Variants in PRDM16 observed in about 807,000 individuals in gnomAD.
The protein encoded by PRDM16 is histone-lysine N-methyltransferase PRDM16.
In PRDM16, 23 loss-of-function variants were observed where a neutral mutation model predicts 110.6. The observed-to-expected ratio is 0.21, with a 90% confidence interval of 0.15 to 0.29. The LOEUF is 0.29. PRDM16 is among the 10% of genes least tolerant of loss of function. PRDM16 has a pLI of 1.00. For missense variants in PRDM16, 1,615 were observed against 1,794.3 expected, an observed-to-expected ratio of 0.90 and a Z score of 1.81; for synonymous variants, 799 against 781.8, an observed-to-expected ratio of 1.02 and a Z score of -0.37.
chr1:3,332,816 C>G (rs544864596), intron 3 of PRDM16, among the ~76,000 whole-genome samples: 26 of 152,054 alleles, frequency 1.7e-4, no homozygotes, highest in Non-Finnish European at 3.8e-4. Context: ...CAACTGCTGA[C>G]CCATCCCTGT....
intron 1 of PRDM16, among the ~76,000 whole-genome samples, chr1:3,083,623 G>A (rs1642082577): frequency 1.3e-5 from 2 of 152,070 alleles, no homozygotes; most frequent in African/African-American, 4.8e-5. Context: ...GCTTCATGCT[G>A]GGTGGGGAGG....
At position 3,328,142 on chromosome 1, in the gene PRDM16, A is replaced by G. The variant is rs75583502; in HGVS notation, c.439-57010A>G. 9.8e-3 allele frequency among the ~76,000 whole-genome samples: 1,492 copies of G among 152,324 alleles called. 14 individuals carry two copies. The highest frequency in any genetic ancestry group is 0.033 in the African/African-American group (1,381 of 41,574). The stretch of plus-strand genomic sequence containing the variant: ...CCCCTGCCGGGCCAAGTGGGGAACT[A>G]GCCAGGCCTGCGAGAAGCTCCAAGA... On this transcript the variant is annotated intron_variant, in intron 3 of 16. Transcript: ENST00000270722.
chr1:3,419,896 G>A (rs902410613), intron 12 of PRDM16, among the ~76,000 whole-genome samples: 27 of 151,680 alleles, frequency 1.8e-4, no homozygotes, highest in Admixed American at 3.3e-4. Context: ...TCTGTTCAGC[G>A]CTCACAGCCC....
intron 3 of PRDM16, among the ~76,000 whole-genome samples, chr1:3,321,128 A>G (rs1456563794): frequency 1.3e-5 from 2 of 152,192 alleles, no homozygotes; most frequent in African/African-American, 4.8e-5. Context: ...AAGGAAGAGG[A>G]ACAGAGGGAT....
At position 3,405,485 on chromosome 1, in the gene PRDM16, G is replaced by A. The variant is rs370090853; in HGVS notation, c.1033-10G>A. The A allele has an allele frequency of 1.2e-4, 180 of 1,556,936 alleles. No individual in the cohort carries two copies. Among genetic ancestry groups the A allele is most frequent in the Non-Finnish European group, 1.4e-4 (161 of 1,148,272 alleles). On this transcript the variant is annotated splice_polypyrimidine_tract_variant and intron_variant, in intron 7 of 16. Transcript: ENST00000270722. ...GGCAGGGCACGCGCCAACGGCATCC[G>A]TCTCCCCAGGTGTTCACGGACCCCA...
rs1320708672 is a variant in PRDM16 at position 3,370,108 on chromosome 1, A to T, written c.439-15044A>T. 6.6e-6 allele frequency among the ~76,000 whole-genome samples: 1 copy of T among 152,176 alleles called. No individual in the cohort carries two copies. The highest frequency in any genetic ancestry group is 2.4e-5 in the African/African-American group (1 of 41,452). On this transcript the variant is annotated intron_variant, in intron 3 of 16. Coordinates refer to ENST00000270722, the MANE Select transcript of PRDM16 (RefSeq NM_022114.4). The surrounding 1 kb of genome is among the most constrained non-coding windows in gnomAD (Gnocchi z 4.8). The stretch of plus-strand genomic sequence containing the variant: ...CATCCTGGCCCTTCTCCATGCAACC[A>T]GACTTTTGCTAAGCACCTACTATGT...
chr1:3,415,176 A>G (rs1643758385), intron 10 of PRDM16, among the ~76,000 whole-genome samples: 1 of 152,134 alleles, frequency 6.6e-6, no homozygotes. Flanking sequence ...AGGTGGGTGC[A>G]GACCCTGCCA....
rs796377398 is a variant in PRDM16 at position 3,343,643 on chromosome 1, G to GT, written c.439-41501dup. 3.8e-4 allele frequency among the ~76,000 whole-genome samples: 57 copies of GT among 151,002 alleles called. No individual in the cohort carries two copies. The East Asian group carries it at 6.8e-3, about 18-fold the overall frequency. On this transcript the variant is annotated intron_variant, in intron 3 of 16. Coordinates refer to ENST00000270722, the MANE Select transcript of PRDM16 (RefSeq NM_022114.4). ...CAGCTTTTGGTTTTTGTTTTGTTTT[G>GT]TTTTTTTTGAGATGGAGTCTCGCTC...
intron 9 of PRDM16, 148 bp downstream of exon 9, chr1:3,412,948 G>T (rs1019842306): frequency 4.4e-5 from 30 of 683,736 alleles, no homozygotes; most frequent in African/African-American, 5.7e-5. Context: ...CCTGTTCTTG[G>T]GGGGGTCTGC....
chr1:3,259,331 T>C (rs998111345), intron 3 of PRDM16, among the ~76,000 whole-genome samples: 6 of 152,188 alleles, frequency 3.9e-5, no homozygotes, highest in African/African-American at 1.4e-4. Context: ...TTCACCATGA[T>C]GACTGTGCCT....
chr1:3,140,916 G>A (rs12739776), intron 1 of PRDM16, among the ~76,000 whole-genome samples: 14 of 152,272 alleles, frequency 9.2e-5, no homozygotes, highest in Admixed American at 2.6e-4. Context: ...AGAAGCAGGC[G>A]GTCGGAGAAG....
chr1:3,098,575 G>A (rs567547110), intron 1 of PRDM16, among the ~76,000 whole-genome samples: 10 of 152,296 alleles, frequency 6.6e-5, no homozygotes, highest in African/African-American at 1.9e-4. Flanking sequence ...CCTGGGCTTC[G>A]AGACCCCAGG....
At chr1:3,109,547 G>A (rs190909076) in intron 1 of PRDM16, among the ~76,000 whole-genome samples, 1 of 152,314 alleles carries the variant, frequency 6.6e-6, no homozygotes, top group Non-Finnish European at 1.5e-5. Context: ...GCTCCTGGGA[G>A]GCCCTAGTGA....
chr1:3,116,872 C>T (rs559435294), intron 1 of PRDM16, among the ~76,000 whole-genome samples: 4 of 152,216 alleles, frequency 2.6e-5, no homozygotes, highest in African/African-American at 9.6e-5. Flanking sequence ...CACAAACCCC[C>T]GTGACTGGGC....
intron 2 of PRDM16, among the ~76,000 whole-genome samples, chr1:3,193,444 TA>T (rs1638366781): frequency 6.6e-6 from 1 of 152,184 alleles, no homozygotes. Context: ...GTGTTTGACA[TA>T]GCTCTCCTCT....
intron 3 of PRDM16, among the ~76,000 whole-genome samples, chr1:3,326,734 C>T (rs1326845632): frequency 6.6e-6 from 1 of 152,252 alleles, no homozygotes; most frequent in African/African-American, 2.4e-5. Flanking sequence ...GGCTTTCAGG[C>T]CTCTGGCAGT....
In PRDM16 at chr1:3,282,727, C is replaced by T. The variant is rs12563725; in HGVS notation, c.438+38590C>T. On this transcript the variant is annotated intron_variant, in intron 3 of 16. Transcript: ENST00000270722. ...AGAGCTGGTCACTGCCACTCCGAAG[C>T]TCCTCAGGCAGCTTCCTTTCTCCCT... 0.024 allele frequency among the ~76,000 whole-genome samples: 3,712 copies of T among 152,240 alleles called. 258 individuals carry two copies. The East Asian group carries it at 0.24, about 10-fold the overall frequency.
At chr1:3,211,270 G>A (rs1025876593) in intron 2 of PRDM16, among the ~76,000 whole-genome samples, 16 of 152,180 alleles carry the variant, frequency 1.1e-4, no homozygotes, top group Admixed American at 3.3e-4. Flanking sequence ...AGCTGTCTTG[G>A]TCACAGCGTA....
intron 1 of PRDM16, among the ~76,000 whole-genome samples, chr1:3,132,268 C>T (rs1241492322): frequency 6.6e-6 from 1 of 152,162 alleles, no homozygotes; most frequent in African/African-American, 2.4e-5. Flanking sequence ...ATGATGTTTA[C>T]GAAGTGTCAG....
Sources: gnomAD v4.1 joint callset for allele counts (sites outside exome capture counted in the v4.1 genomes callset) on GRCh38, gnomAD v4.1.1 for gene constraint, Gnocchi (gnomAD v3.1) non-coding constraint, MANE v1.5 for transcripts, NCBI Gene and HGNC (gene_info 2026-07-23, HGNC 2026-07-21) for gene names.